DICER1: variants seen among roughly 807,000 people sequenced by gnomAD.
The protein encoded by DICER1 is dicer 1, ribonuclease III.
In DICER1, 43 loss-of-function variants were observed where a neutral mutation model predicts 194.1. That is an observed-to-expected ratio of 0.22 (90% CI 0.17 to 0.29). DICER1 has a LOEUF of 0.29. DICER1 is among the 10% of genes least tolerant of loss of function. The pLI, the probability that DICER1 is intolerant of heterozygous loss-of-function variation, is 1.00. For missense variants in DICER1, 1,608 were observed against 2,317.0 expected (o/e 0.69, Z 6.28); for synonymous variants, 832 against 820.5 (o/e 1.01, Z -0.24).
chr14:95,151,476 TGA>T (rs1895507858), intron 1 of DICER1, among the ~76,000 whole-genome samples: 1 of 152,346 alleles, frequency 6.6e-6, no homozygotes, highest in South Asian at 2.1e-4. Flanking sequence ...TTATGTACCA[TGA>T]GAGTTTAAGA....
rs747901058 is a variant in DICER1, at chr14:95,096,304, G to T, written c.4616C>A (p.Thr1539Lys). Reference protein sequence around the residue: ...NPSEENCGVDTGKQSISYDLH... With the variant: ...NPSEENCGVDKGKQSISYDLH... Reference sequence around the variant, plus strand: ...GTCGTAAGAAATGGACTGCTTTCCCGTGTCAACACCACAGTTTTCTTCTGA... The same window carrying T: ...GTCGTAAGAAATGGACTGCTTTCCCTTGTCAACACCACAGTTTTCTTCTGA... Residue 1539 changes from threonine (T) to lysine (K), a missense_variant, in exon 23 of 27, where the codon ACG becomes AAG. By Grantham distance (78) the Thr-to-Lys change is moderately conservative. Coordinates refer to ENST00000343455, the MANE Select transcript of DICER1 (RefSeq NM_177438.3). 1.2e-6 allele frequency: 2 copies of T among 1,614,168 alleles called. No homozygotes were observed. Among genetic ancestry groups the T allele is most frequent in the Non-Finnish European group, 8.5e-7 (1 of 1,180,042 alleles).
At chr14:95,126,254 T>C (rs776376130) in intron 7 of DICER1, among the ~76,000 whole-genome samples, 1 of 152,150 alleles carries the variant, frequency 6.6e-6, no homozygotes, top group Admixed American at 6.5e-5. Flanking sequence ...GCGGAAGAAT[T>C]TGTTTAATTC....
intron 14 of DICER1, among the ~76,000 whole-genome samples, chr14:95,108,784 A>G (rs1891691472): frequency 6.6e-6 from 1 of 152,232 alleles, no homozygotes; most frequent in African/African-American, 2.4e-5. Context: ...CCAACACTGT[A>G]GGGCCTTTTT....
chr14:95,116,368 G>T, intron 10 of DICER1, 85 bp downstream of exon 10: 1 of 1,502,132 alleles, frequency 6.7e-7, no homozygotes, highest in Non-Finnish European at 9.1e-7. Flanking sequence ...CTCATTATCT[G>T]TTCCTATGGA....
intron 8 of DICER1, among the ~76,000 whole-genome samples, chr14:95,120,231 T>C (rs1210541418): frequency 6.6e-6 from 1 of 152,168 alleles, no homozygotes; most frequent in African/African-American, 2.4e-5. Flanking sequence ...AAACCAGATA[T>C]AATTCCTCTA....
At chr14:95,122,007 G>C (rs971973015) in intron 8 of DICER1, among the ~76,000 whole-genome samples, 2 of 152,126 alleles carry the variant, frequency 1.3e-5, no homozygotes, top group Non-Finnish European at 2.9e-5. Flanking sequence ...TGGAAGGAAA[G>C]AATCTGAATT....
chr14:95,146,643 G>GT (rs754634230), intron 1 of DICER1, among the ~76,000 whole-genome samples: 9 of 152,274 alleles, frequency 5.9e-5, no homozygotes, highest in South Asian at 2.1e-4. Context: ...GGTATGAGCC[G>GT]TAACACAGGT....
chr14:95,125,382 T>C (rs2140216138), intron 7 of DICER1, among the ~76,000 whole-genome samples: 1 of 150,894 alleles, frequency 6.6e-6, no homozygotes, highest in Non-Finnish European at 1.5e-5. Flanking sequence ...CTCCTCAACA[T>C]TAACATCTCA....
intron 22 of DICER1, among the ~76,000 whole-genome samples, chr14:95,097,163 A>C (rs1173766629): frequency 6.6e-6 from 1 of 152,234 alleles, no homozygotes; most frequent in Non-Finnish European, 1.5e-5. Context: ...TAATAAAACG[A>C]AATTCCAGAT....
intron 8 of DICER1, among the ~76,000 whole-genome samples, chr14:95,122,416 A>T (rs1893011318): frequency 6.6e-6 from 1 of 152,176 alleles, no homozygotes; most frequent in African/African-American, 2.4e-5. Context: ...CGCCAGCATT[A>T]AACTTTTTTG....
intron 1 of DICER1, among the ~76,000 whole-genome samples, chr14:95,147,483 G>A (rs1317927400): frequency 1.3e-5 from 2 of 152,054 alleles, no homozygotes; most frequent in African/African-American, 2.4e-5. Flanking sequence ...AACCTCCCCC[G>A]TTAAGGCACA....
At position 95,087,922 on chromosome 14, in the gene DICER1, AT is replaced by A. The variant is rs929291338; in HGVS notation, c.*2575del. On this transcript the variant is annotated 3_prime_UTR_variant, in exon 27 of 27. Coordinates refer to ENST00000343455, the MANE Select transcript of DICER1 (RefSeq NM_177438.3). Reference sequence around the variant, plus strand: ...CTCTAAAGTGGGGCAACATAGAGTGATTTTTTTTTTCCTTAATTGACAGATG... The same window carrying A: ...CTCTAAAGTGGGGCAACATAGAGTGATTTTTTTTTCCTTAATTGACAGATG... 4.4e-3 allele frequency: 1,004 copies of A among 225,974 alleles called. 5 individuals are homozygous for A. Among genetic ancestry groups the A allele is most frequent in the African/African-American group, 0.019 (831 of 44,736 alleles). The allele number at this position is 225,974 out of a possible 1,614,324, so 14.0% of individuals were successfully genotyped here.
At chr14:95,122,742 ATT>A (rs1354495671) in intron 8 of DICER1, among the ~76,000 whole-genome samples, 1 of 152,190 alleles carries the variant, frequency 6.6e-6, no homozygotes, top group Non-Finnish European at 1.5e-5. Context: ...TCAACTTCTA[ATT>A]TAAATGTAAT....
chr14:95,126,033 A>G (rs778544729), intron 7 of DICER1, among the ~76,000 whole-genome samples: 1 of 152,068 alleles, frequency 6.6e-6, no homozygotes, highest in Non-Finnish European at 1.5e-5. Flanking sequence ...GTGGTTCTCG[A>G]GCTTTAATGA....
chr14:95,103,850 T>G lies in DICER1; in HGVS notation c.3546A>C (p.Gln1182His). 1 of 1,614,170 alleles carries G rather than the reference T, an allele frequency of 6.2e-7. No homozygotes were observed. The highest frequency in any genetic ancestry group is 8.5e-7 in the Non-Finnish European group (1 of 1,180,038). ...AATCATAACTGCCATTGGCGAGATT[T>G]TGATTGTAAGAAAGACCATTAATTG... The part of the protein sequence containing the change: ...LTAINGLSYN[Q>H]NLANGSYDLA... The change falls in exon 21 of 27, where the codon CAA (glutamine) becomes CAC (histidine). Residue 1182 changes from glutamine to histidine, a missense_variant. Transcript: ENST00000343455.
intron 14 of DICER1, 79 bp from the exon 15 acceptor site, chr14:95,108,582 AATTCTG>A: frequency 7.6e-7 from 1 of 1,311,886 alleles, no homozygotes; most frequent in South Asian, 1.2e-5. Context: ...AAAACAAATT[AATTCTG>A]GCTTTACTAA....
At chr14:95,144,433 C>A (rs1279204041) in intron 1 of DICER1, among the ~76,000 whole-genome samples, 2 of 152,090 alleles carry the variant, frequency 1.3e-5, no homozygotes, top group South Asian at 4.1e-4. Flanking sequence ...TGTTTACTTG[C>A]CTGTAAAACA....
intron 1 of DICER1, among the ~76,000 whole-genome samples, chr14:95,136,124 CAG>C (rs1491029539): frequency 2.0e-5 from 3 of 148,036 alleles, no homozygotes; most frequent in African/African-American, 4.9e-5. Flanking sequence ...CACACACACA[CAG>C]CTGATAAAGC....
Position 95,089,535 on chromosome 14 carries a change from A to G in DICER1, c.*963T>C, listed in dbSNP as rs948244071. The G allele has an allele frequency of 8.6e-6, 2 of 232,094 alleles. No homozygotes were observed. The highest frequency in any genetic ancestry group is 2.2e-5 in the African/African-American group (1 of 45,286). The allele number at this position is 232,094 out of a possible 1,614,324, so 14.4% of individuals were successfully genotyped here. ...CCTAGAAGGCAAAATTATTTGCCAT[A>G]AACATTTCCATCAGTGGGAACTACC... On this transcript the variant is annotated 3_prime_UTR_variant, in exon 27 of 27. Transcript: ENST00000343455.
Sources: gnomAD v4.1 joint callset for allele counts (sites outside exome capture counted in the v4.1 genomes callset) on GRCh38, gnomAD v4.1.1 for gene constraint, MANE v1.5 for transcripts, NCBI Gene and HGNC (gene_info 2026-07-23, HGNC 2026-07-21) for gene names.